ATXN10: variants seen among roughly 807,000 people sequenced by gnomAD.
ATXN10 encodes the protein ataxin 10.
A neutral mutation model predicts 52.9 loss-of-function variants in ATXN10; 28 were observed. The observed-to-expected ratio is 0.53, with a 90% confidence interval of 0.39 to 0.73. The LOEUF is 0.73. Among genes scored for constraint, ATXN10 ranks in the 30% least tolerant of loss-of-function variants. The pLI, the probability that ATXN10 is intolerant of heterozygous loss-of-function variation, is 0.00. For missense variants in ATXN10, 565 were observed against 577.0 expected (o/e 0.98, Z 0.21); for synonymous variants, 226 against 221.5 (o/e 1.02, Z -0.18).
intron 10 of ATXN10, among the ~76,000 whole-genome samples, chr22:45,830,592 C>T (rs1486710373): frequency 2.6e-5 from 4 of 150,994 alleles, no homozygotes. Context: ...CCAAGAAGCA[C>T]ATGAAAATAT....
chr22:45,761,234 C>T (rs1457548809), intron 9 of ATXN10, among the ~76,000 whole-genome samples: 1 of 152,108 alleles, frequency 6.6e-6, no homozygotes, highest in East Asian at 1.9e-4. Context: ...GATTCCCCAG[C>T]CTCAGCCTCC....
intron 5 of ATXN10, among the ~76,000 whole-genome samples, chr22:45,710,006 A>G (rs2146763492): frequency 6.6e-6 from 1 of 152,272 alleles, no homozygotes; most frequent in East Asian, 1.9e-4. Flanking sequence ...GACATCTTTC[A>G]TTGCTACTGC....
intron 10 of ATXN10, among the ~76,000 whole-genome samples, chr22:45,839,037 C>T (rs554494031): frequency 6.6e-6 from 1 of 152,280 alleles, no homozygotes; most frequent in African/African-American, 2.4e-5. Context: ...GTTCTACCTT[C>T]GTGAAGTCCT....
rs1428309179 is a variant in ATXN10, at chr22:45,708,267, A to G, written c.647+5420A>G. Among the ~76,000 whole-genome samples, 1 of 152,238 alleles carries G rather than the reference A, an allele frequency of 6.6e-6. No individual in the cohort carries two copies. The highest frequency in any genetic ancestry group is 1.9e-4 in the East Asian group (1 of 5,198). Reference sequence around the variant, plus strand: ...TGAGTTCATCTAAATCTGAAAGTCCAGTAAATGTGCACTGGTAGGTTAGGT... The same window carrying G: ...TGAGTTCATCTAAATCTGAAAGTCCGGTAAATGTGCACTGGTAGGTTAGGT... On this transcript the variant is annotated intron_variant, in intron 5 of 11. Transcript: ENST00000252934. This position sits in a 1 kb window ranked among gnomAD's most constrained non-coding sequence, Gnocchi z 5.3.
chr22:45,693,864 C>T (rs1438280561), intron 3 of ATXN10, among the ~76,000 whole-genome samples: 1 of 152,166 alleles, frequency 6.6e-6, no homozygotes, highest in Non-Finnish European at 1.5e-5. Context: ...CAGAAGAAAT[C>T]AGCCCTCTCG....
At chr22:45,711,009 C>T (rs1386451844) in intron 5 of ATXN10, among the ~76,000 whole-genome samples, 1 of 152,144 alleles carries the variant, frequency 6.6e-6, no homozygotes, top group South Asian at 2.1e-4. Flanking sequence ...GAACTCTATA[C>T]AGGCTTCTTC....
At chr22:45,815,176 T>A (rs187170069) in intron 10 of ATXN10, among the ~76,000 whole-genome samples, 22 of 152,324 alleles carry the variant, frequency 1.4e-4, no homozygotes, top group Non-Finnish European at 2.1e-4. Context: ...TGAACTGCTA[T>A]GTGTAACACA....
chr22:45,695,862 T>TG (rs1407645628), intron 3 of ATXN10, among the ~76,000 whole-genome samples: 1 of 152,160 alleles, frequency 6.6e-6, no homozygotes, highest in African/African-American at 2.4e-5. Context: ...CTAGAGGTGA[T>TG]GGTCTTTTTT....
At chr22:45,760,550 C>G (rs1312669742) in intron 9 of ATXN10, 1 of 153,866 alleles carries the variant, frequency 6.5e-6, no homozygotes, top group Non-Finnish European at 1.5e-5. Context: ...TGATCAGAAG[C>G]CTTGATCAGA....
rs577523555 is a variant in ATXN10, at chr22:45,759,136, G to A, written c.1173+18598G>A. Reference sequence around the variant, plus strand: ...GCACACTGTGTGCCAAGCATTATGCGAGGTGCTGGAGAGAAGGAAGGGGAA... The same window carrying A: ...GCACACTGTGTGCCAAGCATTATGCAAGGTGCTGGAGAGAAGGAAGGGGAA... On this transcript the variant is annotated intron_variant, in intron 9 of 11. Coordinates refer to ENST00000252934, the MANE Select transcript of ATXN10 (RefSeq NM_013236.4). This position sits in a 1 kb window ranked among gnomAD's most constrained non-coding sequence, Gnocchi z 5.4. 7.9e-5 allele frequency among the ~76,000 whole-genome samples: 12 copies of A among 152,236 alleles called. No homozygotes were observed. Among genetic ancestry groups the A allele is most frequent in the African/African-American group, 2.4e-4 (10 of 41,538 alleles).
rs903698090 is a variant in ATXN10, at chr22:45,770,882, C to T, written c.1173+30344C>T. Among the ~76,000 whole-genome samples the T allele has an allele frequency of 6.6e-6, 1 of 152,190 alleles. No homozygotes were observed. Among genetic ancestry groups the T allele is most frequent in the African/African-American group, 2.4e-5 (1 of 41,458 alleles). Reference sequence around the variant, plus strand: ...CCTCCCTGATCCCTGAGTAGCTTTTCAGGAAGTGCTCACTTGGAGAGAGAG... The same window carrying T: ...CCTCCCTGATCCCTGAGTAGCTTTTTAGGAAGTGCTCACTTGGAGAGAGAG... On this transcript the variant is annotated intron_variant, in intron 9 of 11. Transcript: ENST00000252934. This position sits in a 1 kb window ranked among gnomAD's most constrained non-coding sequence, Gnocchi z 4.5.
intron 3 of ATXN10, among the ~76,000 whole-genome samples, chr22:45,693,349 A>G (rs2146742384): frequency 6.6e-6 from 1 of 152,318 alleles, no homozygotes; most frequent in South Asian, 2.1e-4. Flanking sequence ...TAAACAACAG[A>G]AATGTATTGC....
At position 45,709,765 on chromosome 22, in the gene ATXN10, T is replaced by G. The variant is rs569760941; in HGVS notation, c.647+6918T>G. The stretch of plus-strand genomic sequence containing the variant: ...CAGCTTCCTATTATGTGCTTCTAAT[T>G]GGCATCTGAAATGTATGAAGGCTGC... On this transcript the variant is annotated intron_variant, in intron 5 of 11. Transcript: ENST00000252934. Among the ~76,000 whole-genome samples the G allele has an allele frequency of 2.0e-5, 3 of 152,336 alleles. No individual in the cohort carries two copies. In the South Asian group the frequency reaches 6.2e-4, roughly 32 times the overall value.
rs555652234 is a variant in ATXN10 at position 45,762,875 on chromosome 22, T to C, written c.1173+22337T>C. Among the ~76,000 whole-genome samples, 16 of 152,314 alleles carry C rather than the reference T, an allele frequency of 1.1e-4. No individual in the cohort carries two copies. The South Asian group carries it at 2.9e-3, about 28-fold the overall frequency. ...TCCCTTGGGTCTGTCTCCATCCCTG[T>C]TGTAGTCCCTCACAGCCCAGACTGT... On this transcript the variant is annotated intron_variant, in intron 9 of 11. Transcript: ENST00000252934. The surrounding 1 kb of genome is among the most constrained non-coding windows in gnomAD (Gnocchi z 4.3).
In ATXN10 at chr22:45,843,885, C is replaced by T; in HGVS notation, c.*214C>T. ...TGCATTAATGTAACTGTGTGGTTTG[C>T]CTTTGTCCCCCTGGATAGAACGTGC... On this transcript the variant is annotated 3_prime_UTR_variant, in exon 12 of 12. Coordinates refer to ENST00000252934, the MANE Select transcript of ATXN10 (RefSeq NM_013236.4). The surrounding 1 kb of genome is among the most constrained non-coding windows in gnomAD (Gnocchi z 4.5). The T allele has an allele frequency of 3.3e-6, 2 of 601,476 alleles. No individual in the cohort carries two copies. 37.3% of individuals were successfully genotyped at this position (601,476 alleles called of 1,614,324 possible). A position where few individuals can be genotyped will look rare whatever the true frequency, so the allele number is the denominator to read the frequency against.
rs912495153 is a variant in ATXN10 at position 45,750,304 on chromosome 22, C to T, written c.1173+9766C>T. Reference sequence around the variant, plus strand: ...AGAGGTGGGATTTTCCCATGTTCCCCAGGCTGGTCTTGAACTCCTGAGCTT... The same window carrying T: ...AGAGGTGGGATTTTCCCATGTTCCCTAGGCTGGTCTTGAACTCCTGAGCTT... On this transcript the variant is annotated intron_variant, in intron 9 of 11. Coordinates refer to ENST00000252934, the MANE Select transcript of ATXN10 (RefSeq NM_013236.4). The surrounding 1 kb of genome is among the most constrained non-coding windows in gnomAD (Gnocchi z 4.2). 6.6e-6 allele frequency among the ~76,000 whole-genome samples: 1 copy of T among 152,064 alleles called. No homozygotes were observed. Among genetic ancestry groups the T allele is most frequent in the Non-Finnish European group, 1.5e-5 (1 of 68,022 alleles).
rs1252991391 is a variant in ATXN10 at position 45,727,325 on chromosome 22, C to CTATCTA, written c.729-2092_729-2087dup. Among the ~76,000 whole-genome samples, 15 of 124,300 alleles carry CTATCTA rather than the reference C, an allele frequency of 1.2e-4. No homozygotes were observed. Among genetic ancestry groups the CTATCTA allele is most frequent in the Middle Eastern group, 4.1e-3 (1 of 246 alleles). 81.5% of individuals were successfully genotyped at this position (124,300 alleles called of 152,430 possible). On this transcript the variant is annotated intron_variant, in intron 6 of 11. Coordinates refer to ENST00000252934, the MANE Select transcript of ATXN10 (RefSeq NM_013236.4). This position sits in a 1 kb window ranked among gnomAD's most constrained non-coding sequence, Gnocchi z 4.6. ...GATATAGTTCTGTCTGTCTGTCTAT[C>CTATCTA]TATCTATATCTATCTATCTATCTAT...
At chr22:45,730,637 A>G (rs921923493) in intron 7 of ATXN10, among the ~76,000 whole-genome samples, 2 of 152,140 alleles carry the variant, frequency 1.3e-5, no homozygotes, top group Non-Finnish European at 2.9e-5. Context: ...GGGTTTCGGC[A>G]TATTGGCCAG....
intron 9 of ATXN10, among the ~76,000 whole-genome samples, chr22:45,771,563 C>T (rs1055043268): frequency 1.2e-4 from 18 of 151,742 alleles, no homozygotes; most frequent in African/African-American, 2.7e-4. Context: ...ATTACAGGCA[C>T]GCACCACCAC....
Sources: gnomAD v4.1 joint callset for allele counts (sites outside exome capture counted in the v4.1 genomes callset) on GRCh38, gnomAD v4.1.1 for gene constraint, Gnocchi (gnomAD v3.1) non-coding constraint, MANE v1.5 for transcripts, NCBI Gene and HGNC (gene_info 2026-07-23, HGNC 2026-07-21) for gene names.